The following PPARGC1A variants were observed in gnomAD, a reference collection of about 807,000 sequenced individuals.
PPARGC1A encodes the protein PPARG coactivator 1 alpha, also known as peroxisome proliferator-activated receptor gamma coactivator 1-alpha.
PPARGC1A carries 25 observed loss-of-function variants against 88.7 expected under a neutral mutation model. The observed-to-expected ratio is 0.28, with a 90% CI of 0.21 to 0.39. PPARGC1A has a LOEUF of 0.39. PPARGC1A is among the 10% of genes least tolerant of loss of function. The pLI, the probability that PPARGC1A is intolerant of heterozygous loss-of-function variation, is 1.00. For synonymous variants in PPARGC1A, 363 were observed against 355.6 expected, an observed-to-expected ratio of 1.02 and a Z score of -0.24; for missense variants, 880 against 968.7, an observed-to-expected ratio of 0.91 and a Z score of 1.22.
the PPARGC1A span, among the ~76,000 whole-genome samples, chr4:24,223,904 T>C: frequency 6.6e-6 from 1 of 152,304 alleles, no homozygotes; most frequent in Non-Finnish European, 1.5e-5. Flanking sequence ...ATATTACACA[T>C]GTGTTAACAG....
chr4:23,859,775 C>T (rs998470715), intron 2 of PPARGC1A, among the ~76,000 whole-genome samples: 14 of 143,232 alleles, frequency 9.8e-5, no homozygotes, highest in African/African-American at 2.6e-4. Context: ...TGCAAGACAC[C>T]GTCTCAAAAT....
the PPARGC1A span, among the ~76,000 whole-genome samples, chr4:24,030,864 T>C: frequency 6.6e-6 from 1 of 152,196 alleles, no homozygotes; most frequent in East Asian, 1.9e-4. Context: ...ATTCATTTGC[T>C]CACTCACTCA....
chr4:24,211,004 GT>G, the PPARGC1A span, among the ~76,000 whole-genome samples: 1 of 152,150 alleles, frequency 6.6e-6, no homozygotes, highest in East Asian at 1.9e-4. Flanking sequence ...TTTTAAAACT[GT>G]AATGAATATT....
the PPARGC1A span, among the ~76,000 whole-genome samples, chr4:24,421,896 T>C: frequency 6.6e-6 from 1 of 152,118 alleles, no homozygotes; most frequent in African/African-American, 2.4e-5. Flanking sequence ...TCCATGGTAG[T>C]GATAGAGAGC....
At chr4:24,101,388 A>G in the PPARGC1A span, among the ~76,000 whole-genome samples, 1 of 152,230 alleles carries the variant, frequency 6.6e-6, no homozygotes, top group East Asian at 1.9e-4. Context: ...TTTTCTGTAT[A>G]AATAACCAAG....
chr4:24,179,778 A>G, the PPARGC1A span, among the ~76,000 whole-genome samples: 3 of 152,324 alleles, frequency 2.0e-5, no homozygotes, highest in East Asian at 1.9e-4. Flanking sequence ...ACTGCTAAAA[A>G]TGTACTTCAG....
chr4:24,033,368 G>A, the PPARGC1A span, among the ~76,000 whole-genome samples: 3 of 151,514 alleles, frequency 2.0e-5, no homozygotes, highest in Non-Finnish European at 4.4e-5. Context: ...TTATAATAAA[G>A]GAGATAGAAG....
the PPARGC1A span, among the ~76,000 whole-genome samples, chr4:24,408,747 G>A: frequency 1.3e-5 from 2 of 152,154 alleles, no homozygotes; most frequent in Non-Finnish European, 2.9e-5. Context: ...CAGCCCACTG[G>A]TATCTTTAGA....
upstream of PPARGC1A, among the ~76,000 whole-genome samples, chr4:23,905,943 A>G (rs780454623): frequency 1.3e-5 from 2 of 152,212 alleles, no homozygotes; most frequent in African/African-American, 2.4e-5. Flanking sequence ...CCACAGCTTC[A>G]TGTTCAGCAG....
the PPARGC1A span, among the ~76,000 whole-genome samples, chr4:24,179,292 G>A: frequency 6.6e-6 from 1 of 152,190 alleles, no homozygotes; most frequent in South Asian, 2.1e-4. Context: ...AATAAAAAAG[G>A]CCATAATGCT....
At chr4:23,903,382 A>G (rs540605544), upstream of PPARGC1A, among the ~76,000 whole-genome samples, 1 of 152,232 alleles carries the variant, frequency 6.6e-6, no homozygotes, top group Non-Finnish European at 1.5e-5. Flanking sequence ...GTCGGTGAAG[A>G]TATTTAAATG....
chr4:23,832,817 AGC>A (rs1466468773), intron 2 of PPARGC1A, among the ~76,000 whole-genome samples: 3 of 151,326 alleles, frequency 2.0e-5, no homozygotes, highest in Non-Finnish European at 4.4e-5. Context: ...TCACCATGTT[AGC>A]CAGGATGGTC....
chr4:24,024,982 T>C, the PPARGC1A span, among the ~76,000 whole-genome samples: 252 of 152,326 alleles, frequency 1.7e-3, no homozygotes, highest in African/African-American at 5.5e-3. Flanking sequence ...GTTATAGAAG[T>C]AACGACATGT....
chr4:24,409,180 A>G, the PPARGC1A span, among the ~76,000 whole-genome samples: 1 of 152,228 alleles, frequency 6.6e-6, no homozygotes, highest in Non-Finnish European at 1.5e-5. Context: ...AAGTTTGAAG[A>G]CTACAGAGAA....
chr4:24,430,502 C>T, the PPARGC1A span, among the ~76,000 whole-genome samples: 3 of 151,960 alleles, frequency 2.0e-5, no homozygotes, highest in African/African-American at 7.2e-5. Context: ...ACCTCGTGAT[C>T]CCCCTGCCTC....
At chr4:24,328,188 T>G in the PPARGC1A span, among the ~76,000 whole-genome samples, 1 of 151,800 alleles carries the variant, frequency 6.6e-6, no homozygotes, top group Non-Finnish European at 1.5e-5. Flanking sequence ...TATTTGGTGG[T>G]CTCTTCACAC....
the PPARGC1A span, among the ~76,000 whole-genome samples, chr4:24,248,776 T>C: frequency 6.6e-6 from 1 of 152,202 alleles, no homozygotes. Flanking sequence ...GAACGTCTAA[T>C]TCTGGGGAGG....
At chr4:23,910,246 AATAT>A in the PPARGC1A span, among the ~76,000 whole-genome samples, 1 of 105,156 alleles carries the variant, frequency 9.5e-6, no homozygotes, top group Non-Finnish European at 1.8e-5. Context: ...AATATATATA[AATAT>A]ATATTATATA....
the PPARGC1A span, among the ~76,000 whole-genome samples, chr4:24,285,486 G>C: frequency 6.6e-6 from 1 of 152,174 alleles, no homozygotes; most frequent in Non-Finnish European, 1.5e-5. Context: ...GACACGACTT[G>C]ATGTTTCATG....
Sources: allele counts gnomAD v4.1 joint callset (sites outside exome capture counted in the v4.1 genomes callset), GRCh38; gene constraint gnomAD v4.1.1; transcripts MANE v1.5; gene names NCBI Gene and HGNC (gene_info 2026-07-23, HGNC 2026-07-21).